MNAT1: variants seen among roughly 807,000 people sequenced by gnomAD.
The protein encoded by MNAT1 is MNAT1 component of CDK activating kinase.
Under a neutral mutation model 42.0 loss-of-function variants are expected in MNAT1, and 43 were observed. The ratio of observed to expected loss-of-function variants is 1.02; its 90% CI spans 0.80 to 1.32. The LOEUF is 1.32. Ranked by LOEUF, MNAT1 falls within the 40% of genes most tolerant of loss-of-function variation. MNAT1 has a pLI of 0.00. For synonymous variants in MNAT1, 118 were observed against 120.0 expected (o/e 0.98, Z 0.11); for missense variants, 306 against 350.4 (o/e 0.87, Z 1.01).
intron 1 of MNAT1, among the ~76,000 whole-genome samples, chr14:60,742,463 T>C (rs1896502045): frequency 6.6e-6 from 1 of 152,232 alleles, no homozygotes; most frequent in Non-Finnish European, 1.5e-5. Flanking sequence ...TTTGTTGTTA[T>C]TTTTGCTTTA....
At chr14:60,947,548 T>G (rs1325412414) in intron 7 of MNAT1, among the ~76,000 whole-genome samples, 1 of 152,004 alleles carries the variant, frequency 6.6e-6, no homozygotes, top group Non-Finnish European at 1.5e-5. Flanking sequence ...CCAGGCATGG[T>G]GATGCGTGCC....
chr14:60,812,902 A>T (rs1206543058), intron 5 of MNAT1, among the ~76,000 whole-genome samples: 2 of 152,108 alleles, frequency 1.3e-5, no homozygotes, highest in Non-Finnish European at 2.9e-5. Flanking sequence ...CTGTGACCTC[A>T]TTCTTCTTGG....
intron 7 of MNAT1, among the ~76,000 whole-genome samples, chr14:60,943,049 TGCGC>T (rs1430691874): frequency 2.1e-4 from 14 of 68,282 alleles, no homozygotes; most frequent in East Asian, 3.8e-4. Context: ...TGTGTGTGTG[TGCGC>T]TTTTTTTTTT....
At chr14:60,761,991 G>A (rs898902853) in intron 1 of MNAT1, among the ~76,000 whole-genome samples, 1 of 152,168 alleles carries the variant, frequency 6.6e-6, no homozygotes, top group Non-Finnish European at 1.5e-5. Context: ...GAACTGGTAC[G>A]TTCTAATTCT....
At chr14:60,847,746 C>T (rs899797037) in intron 6 of MNAT1, among the ~76,000 whole-genome samples, 2 of 151,610 alleles carry the variant, frequency 1.3e-5, no homozygotes, top group Non-Finnish European at 2.9e-5. Context: ...ATTGGTTGAC[C>T]TAGGGTTACA....
At chr14:60,908,582 T>C (rs2035269742) in intron 7 of MNAT1, among the ~76,000 whole-genome samples, 1 of 152,114 alleles carries the variant, frequency 6.6e-6, no homozygotes, top group Admixed American at 6.6e-5. Flanking sequence ...GTTTGGTTTT[T>C]TGTCCTTGCG....
In MNAT1 at chr14:60,879,779, G is replaced by A. The variant is rs1196637698; in HGVS notation, c.753G>A (p.Leu251=). The stretch of plus-strand genomic sequence containing the variant: ...AAGCTCTGTATGAATACCAGCCACT[G>A]CAGATAGAGACATATGGACCACATG... ...LEEALYEYQP[L]QIETYGPHVP... is the part of the protein sequence containing the mutation. Residue 251 remains leucine, a synonymous_variant, in exon 7 of 8, where the codon CTG becomes CTA. Coordinates refer to ENST00000261245, the MANE Select transcript of MNAT1 (RefSeq NM_002431.4). The A allele has an allele frequency of 6.2e-7, 1 of 1,613,334 alleles. No homozygotes were observed. The highest frequency in any genetic ancestry group is 8.5e-7 in the Non-Finnish European group (1 of 1,179,496).
At chr14:60,960,754 C>T (rs1019068703) in intron 7 of MNAT1, among the ~76,000 whole-genome samples, 1 of 152,116 alleles carries the variant, frequency 6.6e-6, no homozygotes, top group African/African-American at 2.4e-5. Context: ...CCATATCCAC[C>T]CACTCACTCA....
intron 7 of MNAT1, among the ~76,000 whole-genome samples, chr14:60,948,184 G>A (rs1252325986): frequency 6.6e-6 from 1 of 152,198 alleles, no homozygotes; most frequent in South Asian, 2.1e-4. Context: ...TAATCTCAGC[G>A]CTTACCAAGG....
intron 7 of MNAT1, among the ~76,000 whole-genome samples, chr14:60,901,404 A>G (rs965389326): frequency 1.3e-5 from 2 of 152,212 alleles, no homozygotes; most frequent in African/African-American, 4.8e-5. Flanking sequence ...GACTGCTAGC[A>G]CAACATCCAT....
chr14:60,968,636 G>A lies in MNAT1; in HGVS notation c.*287G>A. ...CCTATATGTGTTTGAGGTTGTGACA[G>A]ACTTATAAAATCTTTTTAAAAAATA... On this transcript the variant is annotated 3_prime_UTR_variant, in exon 8 of 8. Coordinates refer to ENST00000261245, the MANE Select transcript of MNAT1 (RefSeq NM_002431.4). 1.4e-6 allele frequency: 1 copy of A among 725,320 alleles called. No homozygotes were observed. The highest frequency in any genetic ancestry group is 1.7e-5 in the South Asian group (1 of 57,226). The allele number at this position is 725,320 out of a possible 1,614,324, so 44.9% of individuals were successfully genotyped here. A position where few individuals can be genotyped will look rare whatever the true frequency, so the allele number is the denominator to read the frequency against.
rs188903217 is a variant in MNAT1 at position 60,925,585 on chromosome 14, C to T, written c.810-42644C>T. 5.9e-4 allele frequency among the ~76,000 whole-genome samples: 90 copies of T among 152,288 alleles called. 1 individual carries two copies. Among genetic ancestry groups the T allele is most frequent in the Non-Finnish European group, 7.6e-4 (52 of 68,024 alleles). On this transcript the variant is annotated intron_variant, in intron 7 of 7. Transcript: ENST00000261245. ...TTGCTCATTTTGCTTGTTTTTATAA[C>T]TTAGCAACCTTATCCCTTCCTTACA... is the stretch of plus-strand genomic sequence containing the variant.
chr14:60,826,352 T>C (rs988730826), intron 6 of MNAT1, among the ~76,000 whole-genome samples: 1 of 147,236 alleles, frequency 6.8e-6, no homozygotes, highest in Non-Finnish European at 1.5e-5. Flanking sequence ...AGTCTCACTC[T>C]GTCCCCCAGG....
intron 6 of MNAT1, among the ~76,000 whole-genome samples, chr14:60,863,053 C>T (rs780319389): frequency 6.6e-5 from 10 of 151,736 alleles, no homozygotes; most frequent in South Asian, 2.1e-4. Flanking sequence ...TCGAAAGATT[C>T]GAAATTTAAC....
chr14:60,900,985 A>G (rs1594849711), intron 7 of MNAT1, among the ~76,000 whole-genome samples: 2 of 119,436 alleles, frequency 1.7e-5, no homozygotes, highest in Admixed American at 1.1e-4. Context: ...GCTGGAGTGT[A>G]GTGATGTGAT....
chr14:60,947,340 A>G (rs928839852), intron 7 of MNAT1, among the ~76,000 whole-genome samples: 13 of 152,150 alleles, frequency 8.5e-5, no homozygotes, highest in East Asian at 5.8e-4. Flanking sequence ...TAGTGCTCCA[A>G]AGGTATTTGC....
Position 60,835,133 on chromosome 14 carries a change from C to T in MNAT1, c.687+16286C>T, listed in dbSNP as rs184445282. On this transcript the variant is annotated intron_variant, in intron 6 of 7. Coordinates refer to ENST00000261245, the MANE Select transcript of MNAT1 (RefSeq NM_002431.4). ...TATTCCTCTATCCCTTTATTTTGAGCCTGTGTGTTTCTTTGCACGTGAGAT... is the reference window on the plus strand; with the variant it reads ...TATTCCTCTATCCCTTTATTTTGAGTCTGTGTGTTTCTTTGCACGTGAGAT... 4.6e-5 allele frequency among the ~76,000 whole-genome samples: 7 copies of T among 152,004 alleles called. No individual in the cohort carries two copies. The East Asian group carries it at 1.2e-3, about 25-fold the overall frequency.
chr14:60,746,915 TATATATATACACACAC>T (rs1413856816), intron 1 of MNAT1, among the ~76,000 whole-genome samples: 8 of 27,098 alleles, frequency 3.0e-4, no homozygotes, highest in South Asian at 2.9e-3. Flanking sequence ...TATATATATA[TATATATATACACACAC>T]ACACACACAC....
intron 6 of MNAT1, among the ~76,000 whole-genome samples, chr14:60,867,733 C>G (rs191242204): frequency 2.0e-4 from 30 of 152,176 alleles, no homozygotes; most frequent in Non-Finnish European, 3.8e-4. Context: ...TACACTCCCC[C>G]CTTCCTCATT....
Sources: allele counts gnomAD v4.1 joint callset (sites outside exome capture counted in the v4.1 genomes callset), GRCh38; gene constraint gnomAD v4.1.1; transcripts MANE v1.5; gene names NCBI Gene and HGNC (gene_info 2026-07-23, HGNC 2026-07-21).